The following GREB1L variants were observed in gnomAD, a reference collection of about 807,000 sequenced individuals.
GREB1L encodes the protein GREB1 like retinoic acid receptor coactivator.
Under a neutral mutation model 200.8 loss-of-function variants are expected in GREB1L, and 17 were observed. The observed-to-expected ratio is 0.08, with a 90% CI of 0.06 to 0.13. The LOEUF is 0.13. Among genes scored for constraint, GREB1L ranks in the 10% least tolerant of loss-of-function variants. The probability of loss-of-function intolerance (pLI) is 1.00; values close to 1 mark genes in which losing one functional copy is unlikely to be tolerated. For synonymous variants in GREB1L, 789 were observed against 893.0 expected (o/e 0.88, Z 2.08); for missense variants, 1,657 against 2,367.7 (o/e 0.70, Z 6.23).
chr18:21,464,530 G>A (rs1265587631), intron 15 of GREB1L, among the ~76,000 whole-genome samples: 3 of 124,500 alleles, frequency 2.4e-5, no homozygotes, highest in African/African-American at 3.3e-5. Context: ...GGGACAGAGA[G>A]AGACACCATC....
intron 1 of GREB1L, among the ~76,000 whole-genome samples, chr18:21,260,024 T>C (rs1199871494): frequency 6.6e-6 from 1 of 151,886 alleles, no homozygotes; most frequent in African/African-American, 2.4e-5. Flanking sequence ...AGAAAGAAAA[T>C]GAATGAAAGC....
At chr18:21,506,081 G>C in intron 25 of GREB1L, 132 bp downstream of exon 25, 4 of 974,494 alleles carry the variant, frequency 4.1e-6, no homozygotes, top group Non-Finnish European at 4.3e-6. Flanking sequence ...CTCATAAGAA[G>C]GAGCCACTCA....
chr18:21,292,955 A>C (rs886368404), intron 1 of GREB1L, among the ~76,000 whole-genome samples: 8 of 152,210 alleles, frequency 5.3e-5, no homozygotes, highest in Admixed American at 5.2e-4. Context: ...TGTAAGGTTT[A>C]GATTTATGTT....
At chr18:21,268,471 A>G (rs1333011947) in intron 1 of GREB1L, among the ~76,000 whole-genome samples, 5 of 144,534 alleles carry the variant, frequency 3.5e-5, no homozygotes, top group Non-Finnish European at 7.5e-5. Flanking sequence ...CATGATGTCT[A>G]TATATATGTG....
Position 21,515,600 on chromosome 18 carries a change from C to T in GREB1L, c.5085C>T (p.Leu1695=). Residue 1695 remains leucine (L), a synonymous_variant, in exon 29 of 33, where the codon CTC becomes CTT. Coordinates refer to ENST00000424526, the MANE Select transcript of GREB1L (RefSeq NM_001142966.3). ...FSRCHVHDFI[L]LNTDLTQNVQ... is the part of the protein sequence containing the mutation. ...GGTGTCACGTGCATGATTTCATTCT[C>T]CTCAACACAGACTTGACTCAGAATG... The T allele has an allele frequency of 1.9e-6, 3 of 1,551,722 alleles. No individual in the cohort carries two copies. Among genetic ancestry groups the T allele is most frequent in the Non-Finnish European group, 2.6e-6 (3 of 1,146,976 alleles).
intron 1 of GREB1L, among the ~76,000 whole-genome samples, chr18:21,363,294 C>A (rs1241413852): frequency 1.8e-5 from 2 of 108,828 alleles, no homozygotes; most frequent in African/African-American, 3.6e-5. Flanking sequence ...CCCGCCCCCC[C>A]CCCCCCACAC....
intron 1 of GREB1L, among the ~76,000 whole-genome samples, chr18:21,305,518 G>C (rs1160426398): frequency 6.6e-6 from 1 of 151,922 alleles, no homozygotes; most frequent in African/African-American, 2.4e-5. Context: ...CTCCAGAATG[G>C]GTTCCCAGCC....
At chr18:21,392,978 G>T (rs186796449) in intron 4 of GREB1L, among the ~76,000 whole-genome samples, 1 of 152,076 alleles carries the variant, frequency 6.6e-6, no homozygotes, top group South Asian at 2.1e-4. Flanking sequence ...TCGCCCTGTT[G>T]CCTAGACTGG....
At chr18:21,340,943 T>G (rs2039261319) in intron 1 of GREB1L, among the ~76,000 whole-genome samples, 1 of 152,240 alleles carries the variant, frequency 6.6e-6, no homozygotes, top group Non-Finnish European at 1.5e-5. Flanking sequence ...GTGTTAACAT[T>G]TGTTGCATAC....
At chr18:21,434,449 C>T (rs1429651588) in intron 7 of GREB1L, among the ~76,000 whole-genome samples, 1 of 150,250 alleles carries the variant, frequency 6.7e-6, no homozygotes, top group African/African-American at 2.5e-5. Flanking sequence ...GCACTCCAGC[C>T]TTGGCAGCAG....
chr18:21,383,717 T>C, intron 3 of GREB1L, 42 bp downstream of exon 3: 1 of 1,538,418 alleles, frequency 6.5e-7, no homozygotes. Flanking sequence ...TCTTTTTTTT[T>C]GTTTTGTTTT....
At chr18:21,275,665 G>A (rs1399546978) in intron 1 of GREB1L, among the ~76,000 whole-genome samples, 1 of 152,076 alleles carries the variant, frequency 6.6e-6, no homozygotes, top group East Asian at 1.9e-4. Context: ...ATAAAATAAA[G>A]TGTTAATATT....
chr18:21,343,076 G>T (rs957295328), intron 1 of GREB1L, among the ~76,000 whole-genome samples: 3 of 151,798 alleles, frequency 2.0e-5, no homozygotes, highest in African/African-American at 7.3e-5. Flanking sequence ...CTTGGATTCT[G>T]GTTCCAGCCT....
In GREB1L at chr18:21,504,028, G is replaced by A. The variant is rs144605409; in HGVS notation, c.4073-1384G>A. On this transcript the variant is annotated intron_variant, in intron 23 of 32. Coordinates refer to ENST00000424526, the MANE Select transcript of GREB1L (RefSeq NM_001142966.3). ...ACGATCTCAACTCACTGCAACCTCC[G>A]TCTCAGGGGTTCAAGTGATTCTTAG... Among the ~76,000 whole-genome samples, 34 of 151,422 alleles carry A rather than the reference G, an allele frequency of 2.2e-4. No individual in the cohort carries two copies. The Middle Eastern group carries it at 0.01, about 45-fold the overall frequency.
At chr18:21,363,271 A>T (rs868410355) in intron 1 of GREB1L, among the ~76,000 whole-genome samples, 1 of 7,310 alleles carries the variant, frequency 1.4e-4, no homozygotes, top group African/African-American at 5.3e-4. Flanking sequence ...CCCTGCCCCC[A>T]CTCCGCCTCC....
intron 1 of GREB1L, among the ~76,000 whole-genome samples, chr18:21,320,752 C>T (rs532708388): frequency 4.7e-5 from 7 of 147,426 alleles, no homozygotes; most frequent in East Asian, 4.0e-4. Context: ...GGCAACAGAA[C>T]GAGACTGTCT....
rs1305649467 is a variant in GREB1L, at chr18:21,371,808, C to A, written c.-10+5672C>A. On this transcript the variant is annotated intron_variant, in intron 2 of 32. Coordinates refer to ENST00000424526, the MANE Select transcript of GREB1L (RefSeq NM_001142966.3). ...CAAAAAAAAAAAAAAAAAGGTGCTA[C>A]TATGACTACCAACATTTTCTGCACT... Among the ~76,000 whole-genome samples, 6 of 149,210 alleles carry A rather than the reference C, an allele frequency of 4.0e-5. No homozygotes were observed. The East Asian group carries it at 1.2e-3, about 29-fold the overall frequency.
intron 4 of GREB1L, among the ~76,000 whole-genome samples, chr18:21,395,183 T>A (rs1436113343): frequency 6.6e-6 from 1 of 151,548 alleles, no homozygotes; most frequent in African/African-American, 2.4e-5. Context: ...GACGGAAATA[T>A]TTCCTTTCAA....
chr18:21,273,522 TC>T (rs1430814174), intron 1 of GREB1L, among the ~76,000 whole-genome samples: 1 of 152,206 alleles, frequency 6.6e-6, no homozygotes, highest in African/African-American at 2.4e-5. Context: ...TTCAGTGAGT[TC>T]CTACGCAAAC....
Sources: gnomAD v4.1 joint callset for allele counts (sites outside exome capture counted in the v4.1 genomes callset) on GRCh38, gnomAD v4.1.1 for gene constraint, MANE v1.5 for transcripts, NCBI Gene and HGNC (gene_info 2026-07-23, HGNC 2026-07-21) for gene names.